BMPR2: variants seen among roughly 807,000 people sequenced by gnomAD.
The protein encoded by BMPR2 is bone morphogenetic protein receptor type-2.
A neutral mutation model predicts 100.8 loss-of-function variants in BMPR2; 29 were observed. That is an observed-to-expected ratio of 0.29 (90% confidence interval 0.21 to 0.39). BMPR2 has a LOEUF of 0.39. Among genes scored for constraint, BMPR2 ranks in the 10% least tolerant of loss-of-function variants. The pLI, the probability that BMPR2 is intolerant of heterozygous loss-of-function variation, is 1.00. For synonymous variants in BMPR2, 382 were observed against 442.3 expected, an observed-to-expected ratio of 0.86 and a Z score of 1.71; for missense variants, 1,011 against 1,274.5, an observed-to-expected ratio of 0.79 and a Z score of 3.15.
chr2:202,546,393 C>G (rs770823313), intron 10 of BMPR2, among the ~76,000 whole-genome samples: 2 of 152,038 alleles, frequency 1.3e-5, no homozygotes, highest in Non-Finnish European at 2.9e-5. Context: ...GCCAGGGACT[C>G]AAGCATAGTT....
intron 1 of BMPR2, among the ~76,000 whole-genome samples, chr2:202,447,748 C>T (rs1691881451): frequency 6.6e-6 from 1 of 150,530 alleles, no homozygotes; most frequent in Non-Finnish European, 1.5e-5. Flanking sequence ...TAAGTAAGTA[C>T]ACTTATACAT....
intron 10 of BMPR2, among the ~76,000 whole-genome samples, chr2:202,543,826 A>C (rs967998146): frequency 1.3e-5 from 2 of 152,198 alleles, no homozygotes; most frequent in Non-Finnish European, 2.9e-5. Context: ...ACTGCACAAC[A>C]AAGTATTGTG....
intron 9 of BMPR2, among the ~76,000 whole-genome samples, chr2:202,541,669 C>G (rs1435393444): frequency 6.6e-6 from 1 of 152,084 alleles, no homozygotes; most frequent in Admixed American, 6.6e-5. Context: ...GGCATGTTTT[C>G]AAGTATTAAG....
intron 12 of BMPR2, among the ~76,000 whole-genome samples, chr2:202,559,319 A>T (rs566942019): frequency 3.0e-4 from 46 of 151,052 alleles, no homozygotes; most frequent in African/African-American, 9.4e-4. Flanking sequence ...AAAAAAAAAA[A>T]TTTGATCCAC....
chr2:202,480,810 C>G (rs901274278), intron 3 of BMPR2, among the ~76,000 whole-genome samples: 1 of 151,664 alleles, frequency 6.6e-6, no homozygotes, highest in Non-Finnish European at 1.5e-5. Context: ...AAAAAATTAG[C>G]CAGGCGTGGT....
chr2:202,386,753 T>C (rs537503077), intron 1 of BMPR2, among the ~76,000 whole-genome samples: 2 of 151,940 alleles, frequency 1.3e-5, no homozygotes, highest in Non-Finnish European at 2.9e-5. Flanking sequence ...CGATCTCGGC[T>C]CACTGCAACC....
chr2:202,417,112 A>C (rs111536773), intron 1 of BMPR2, among the ~76,000 whole-genome samples: 24,824 of 151,898 alleles, frequency 0.16, 2,402 homozygotes, highest in Middle Eastern at 0.23. Flanking sequence ...CTGGGATTAC[A>C]GGCGTGAGCC....
In BMPR2 at chr2:202,542,402, A is replaced by T. The variant is rs1456456869; in HGVS notation, c.1368A>T (p.Glu456Asp). Residue 456 changes from glutamate (E) to aspartate (D), a missense_variant, in exon 10 of 13, where the codon GAA becomes GAT. Physicochemically the swap from Glu to Asp is conservative, Grantham distance 45. This residue lies in a region of BMPR2 where 83 missense variants were observed against 140.7 expected (regional missense o/e 0.59). Coordinates refer to ENST00000374580, the MANE Select transcript of BMPR2 (RefSeq NM_001204.7). ...FEDMQVLVSR[E>D]KQRPKFPEAW... is the part of the protein sequence containing the mutation. ...ATATGCAGGTTCTCGTGTCTAGGGA[A>T]AAACAGAGACCCAAGTTCCCAGAAG... is the stretch of plus-strand genomic sequence containing the variant. 3 of 1,614,046 alleles carry T rather than the reference A, an allele frequency of 1.9e-6. No homozygotes were observed. Among genetic ancestry groups the T allele is most frequent in the Non-Finnish European group, 2.5e-6 (3 of 1,180,036 alleles).
At chr2:202,394,301 A>C (rs1690616646) in intron 1 of BMPR2, among the ~76,000 whole-genome samples, 1 of 152,068 alleles carries the variant, frequency 6.6e-6, no homozygotes, top group Non-Finnish European at 1.5e-5. Context: ...CAGTGAGCCA[A>C]GATCGTGCCA....
chr2:202,435,491 C>G (rs1264182618), intron 1 of BMPR2, among the ~76,000 whole-genome samples: 1 of 145,182 alleles, frequency 6.9e-6, no homozygotes, highest in Non-Finnish European at 1.5e-5. Flanking sequence ...ACAGTTAAAC[C>G]ACAGGTTAAA....
intron 3 of BMPR2, among the ~76,000 whole-genome samples, chr2:202,502,747 T>A (rs998311408): frequency 6.6e-6 from 1 of 152,174 alleles, no homozygotes; most frequent in African/African-American, 2.4e-5. Flanking sequence ...GGGAAGAGTG[T>A]TGTTTTTACA....
intron 3 of BMPR2, among the ~76,000 whole-genome samples, chr2:202,473,958 A>C (rs1692487020): frequency 6.7e-6 from 1 of 150,194 alleles, no homozygotes; most frequent in African/African-American, 2.5e-5. Context: ...TACAAAAATT[A>C]GCTGGGCATG....
chr2:202,434,322 G>A lies in BMPR2; in HGVS notation c.77-30487G>A, dbSNP rs1691564220. Among the ~76,000 whole-genome samples, 4 of 150,678 alleles carry A rather than the reference G, an allele frequency of 2.7e-5. No individual in the cohort carries two copies. In the South Asian group the frequency reaches 8.3e-4, roughly 31 times the overall value. ...GCTACCAAGAGGTGGAAGTGGTCCAGTCAAAGCAAAATGGACTGGTCATGG... is the reference window on the plus strand; with the variant it reads ...GCTACCAAGAGGTGGAAGTGGTCCAATCAAAGCAAAATGGACTGGTCATGG... On this transcript the variant is annotated intron_variant, in intron 1 of 12. Coordinates refer to ENST00000374580, the MANE Select transcript of BMPR2 (RefSeq NM_001204.7).
chr2:202,472,486 C>T (rs911345187), intron 3 of BMPR2, among the ~76,000 whole-genome samples: 9 of 152,256 alleles, frequency 5.9e-5, no homozygotes, highest in African/African-American at 2.2e-4. Context: ...AGGTGAAACC[C>T]CATCTCTACT....
chr2:202,429,749 A>C (rs1691467946), intron 1 of BMPR2, among the ~76,000 whole-genome samples: 1 of 152,186 alleles, frequency 6.6e-6, no homozygotes, highest in African/African-American at 2.4e-5. Flanking sequence ...AAGGGGAAGC[A>C]GGTGCCTTCT....
intron 9 of BMPR2, among the ~76,000 whole-genome samples, chr2:202,536,885 A>T (rs2106025871): frequency 6.6e-6 from 1 of 151,932 alleles, no homozygotes; most frequent in African/African-American, 2.4e-5. Flanking sequence ...AAAAAAAAAA[A>T]AAAAAGAAGT....
intron 1 of BMPR2, among the ~76,000 whole-genome samples, chr2:202,387,961 A>G (rs1027438971): frequency 6.6e-6 from 1 of 152,344 alleles, no homozygotes; most frequent in South Asian, 2.1e-4. Context: ...TATGTGGGAT[A>G]TAACTTTTCT....
At chr2:202,453,486 A>G (rs1451308266) in intron 1 of BMPR2, among the ~76,000 whole-genome samples, 1 of 152,232 alleles carries the variant, frequency 6.6e-6, no homozygotes, top group East Asian at 1.9e-4. Flanking sequence ...ACCATAAAAA[A>G]GAATGAGATT....
At chr2:202,414,622 A>G (rs1361902380) in intron 1 of BMPR2, among the ~76,000 whole-genome samples, 3 of 152,226 alleles carry the variant, frequency 2.0e-5, no homozygotes, top group South Asian at 2.1e-4. Flanking sequence ...GAATGATAAG[A>G]AAATTAAACA....
Sources: allele counts gnomAD v4.1 joint callset (sites outside exome capture counted in the v4.1 genomes callset), GRCh38; gene constraint gnomAD v4.1.1; regional missense constraint gnomAD v4.1.1; transcripts MANE v1.5; gene names NCBI Gene and HGNC (gene_info 2026-07-23, HGNC 2026-07-21).